PSD2: variants seen among roughly 807,000 people sequenced by gnomAD.
The protein encoded by PSD2 is PH and SEC7 domain-containing protein 2.
A neutral mutation model predicts 69.8 loss-of-function variants in PSD2; 38 were observed. The observed-to-expected ratio is 0.54, with a 90% CI of 0.42 to 0.71. PSD2 has a LOEUF of 0.71. PSD2 is among the 30% of genes least tolerant of loss of function. The pLI is 0.00. For missense variants in PSD2, 943 were observed against 1,014.5 expected, an observed-to-expected ratio of 0.93 and a Z score of 0.96; for synonymous variants, 412 against 423.0, an observed-to-expected ratio of 0.97 and a Z score of 0.32.
At chr5:139,835,834 G>C in intron 9 of PSD2, 68 bp downstream of exon 9, 7 of 1,485,480 alleles carry the variant, frequency 4.7e-6, no homozygotes, top group Non-Finnish European at 6.6e-6. Flanking sequence ...TGGGGGTGCA[G>C]GTCCGACATT....
Position 139,833,807 on chromosome 5 carries a change from T to A in PSD2, c.1359+16T>A. ...CCTGCTGAAGGTACTGTCTGCTGAG[T>A]GTCCCCATCCCACTAGCTGTGCCCT... On this transcript the variant is annotated intron_variant, in intron 8 of 14. Coordinates refer to ENST00000274710, the MANE Select transcript of PSD2 (RefSeq NM_032289.4). The A allele has an allele frequency of 6.3e-7, 1 of 1,580,324 alleles. No individual in the cohort carries two copies. Among genetic ancestry groups the A allele is most frequent in the Non-Finnish European group, 8.7e-7 (1 of 1,149,258 alleles).
intron 5 of PSD2, among the ~76,000 whole-genome samples, chr5:139,819,086 G>C (rs1005298390): frequency 1.3e-5 from 2 of 151,756 alleles, no homozygotes; most frequent in South Asian, 2.1e-4. Context: ...CTGTCTCTTT[G>C]CATGCTTAAT....
At chr5:139,753,818 GT>G in the PSD2 span, among the ~76,000 whole-genome samples, 782 of 143,322 alleles carry the variant, frequency 5.5e-3, 8 homozygotes, top group African/African-American at 0.016. Context: ...TCCCAGAGTT[GT>G]TTTTTTTTTT....
the PSD2 span, among the ~76,000 whole-genome samples, chr5:139,764,003 CATGGCCTCTGGTGAATAG>C: frequency 2.0e-5 from 3 of 152,214 alleles, no homozygotes; most frequent in Non-Finnish European, 4.4e-5. Context: ...ACCCTGACTA[CATGGCCTCTGGTGAATAG>C]ATGAGCTCTC....
the PSD2 span, among the ~76,000 whole-genome samples, chr5:139,752,101 C>A: frequency 6.6e-6 from 1 of 152,038 alleles, no homozygotes; most frequent in Non-Finnish European, 1.5e-5. Context: ...CCAGTCCAGC[C>A]TCTTGACTCA....
the PSD2 span, among the ~76,000 whole-genome samples, chr5:139,749,326 T>C: frequency 1.3e-5 from 2 of 152,248 alleles, no homozygotes; most frequent in African/African-American, 4.8e-5. Flanking sequence ...CAGTGTCTGA[T>C]TGCATTTTCT....
In PSD2 at chr5:139,837,174, G is replaced by T. The variant is rs746480992; in HGVS notation, c.1601G>T (p.Arg534Leu). The T allele has an allele frequency of 5.0e-6, 8 of 1,614,064 alleles. No homozygotes were observed. Among genetic ancestry groups the T allele is most frequent in the South Asian group, 2.2e-5 (2 of 91,084 alleles). The change falls in exon 11 of 15, where the codon CGT becomes CTT. Residue 534 changes from arginine (R) to leucine (L), a missense_variant. By Grantham distance (102) the Arg-to-Leu change is moderately radical. Coordinates refer to ENST00000274710, the MANE Select transcript of PSD2 (RefSeq NM_032289.4). This position sits in a 1 kb window ranked among gnomAD's most constrained non-coding sequence, Gnocchi z 5.0. ...HADMDGKRTP[R>L]GRRGWKKFYA... Reference sequence around the variant, plus strand: ...CCAGTGCCCTCCTCCCCAGCGCCCCGTGGGAGGCGTGGCTGGAAGAAATTC... The same window carrying T: ...CCAGTGCCCTCCTCCCCAGCGCCCCTTGGGAGGCGTGGCTGGAAGAAATTC...
the PSD2 span, among the ~76,000 whole-genome samples, chr5:139,763,474 A>C: frequency 6.6e-6 from 1 of 152,172 alleles, no homozygotes; most frequent in East Asian, 1.9e-4. Context: ...GCCGTGTCCT[A>C]CTTCCACTCT....
Position 139,814,647 on chromosome 5 carries a change from C to T in PSD2, c.1016+283C>T, listed in dbSNP as rs1195223706. On this transcript the variant is annotated intron_variant, in intron 4 of 14. Coordinates refer to ENST00000274710, the MANE Select transcript of PSD2 (RefSeq NM_032289.4). This position sits in a 1 kb window ranked among gnomAD's most constrained non-coding sequence, Gnocchi z 4.4. ...GATGTGGGATGTGGTTATGGGGCCA[C>T]GATGGATGTGAGGACAGAGAAGCCA... 1.3e-5 allele frequency among the ~76,000 whole-genome samples: 2 copies of T among 151,898 alleles called. No homozygotes were observed. The highest frequency in any genetic ancestry group is 2.4e-5 in the African/African-American group (1 of 41,326).
chr5:139,822,798 G>T lies in PSD2; in HGVS notation c.1269+14G>T, dbSNP rs1760304903. On this transcript the variant is annotated intron_variant, in intron 7 of 14. Transcript: ENST00000274710. ...CTGCACGGCCACGTGAGTTGGGGAG[G>T]TGACGGGGGGTGTCGCATGTCCTCT... 1 of 1,601,118 alleles carries T rather than the reference G, an allele frequency of 6.2e-7. No homozygotes were observed. Among genetic ancestry groups the T allele is most frequent in the Non-Finnish European group, 8.5e-7 (1 of 1,173,454 alleles).
chr5:139,775,681 C>CT, the PSD2 span, among the ~76,000 whole-genome samples: 4 of 152,034 alleles, frequency 2.6e-5, no homozygotes, highest in South Asian at 2.1e-4. Context: ...TTTCTTCTTC[C>CT]TTTTTTTGTG....
chr5:139,819,215 G>T (rs568686831), intron 5 of PSD2, among the ~76,000 whole-genome samples: 12 of 152,332 alleles, frequency 7.9e-5, no homozygotes, highest in Admixed American at 2.0e-4. Context: ...AGGTTTGTGG[G>T]GATGCAGTGC....
At position 139,836,941 on chromosome 5, in the gene PSD2, A is replaced by G. The variant is rs766638656; in HGVS notation, c.1534A>G (p.Thr512Ala). 4.3e-6 allele frequency: 7 copies of G among 1,614,148 alleles called. No individual in the cohort carries two copies. In the South Asian group the frequency reaches 7.7e-5, roughly 18 times the overall value. ...GGATGTCCCACAGGCGCTCAGTGCC[A>G]CCACCTACAAGCACGGCGTCCTGAC... ...FLDVPQALSA[T>A]TYKHGVLTRK... The change falls in exon 10 of 15, where the codon ACC (threonine) becomes GCC (alanine). Residue 512 changes from threonine to alanine, a missense_variant. By Grantham distance (58) the Thr-to-Ala change is moderately conservative. Coordinates refer to ENST00000274710, the MANE Select transcript of PSD2 (RefSeq NM_032289.4).
In PSD2 at chr5:139,842,419, A is replaced by G. The variant is rs757461551; in HGVS notation, c.2261A>G (p.Gln754Arg). The stretch of plus-strand genomic sequence containing the variant: ...ACACATTCAAGCCCTGCCCTCAGCC[A>G]GGGCCATGTGACTGGCAGCAAAACC... ...RKTHSSPALS[Q>R]GHVTGSKTTK... Residue 754 changes from glutamine to arginine, a missense_variant, in exon 15 of 15, where the codon CAG (glutamine) becomes CGG (arginine). Transcript: ENST00000274710. 2 of 1,614,070 alleles carry G rather than the reference A, an allele frequency of 1.2e-6. No individual in the cohort carries two copies. Among genetic ancestry groups the G allele is most frequent in the South Asian group, 1.1e-5 (1 of 91,080 alleles).
At chr5:139,836,452 C>T (rs1561607960) in intron 9 of PSD2, among the ~76,000 whole-genome samples, 1 of 152,184 alleles carries the variant, frequency 6.6e-6, no homozygotes, top group Non-Finnish European at 1.5e-5. Context: ...GGGGTTTGTG[C>T]AGCAGCTTCA....
the PSD2 span, among the ~76,000 whole-genome samples, chr5:139,751,977 G>C: frequency 6.6e-6 from 1 of 151,782 alleles, no homozygotes; most frequent in Non-Finnish European, 1.5e-5. Context: ...TTTTTTTGTA[G>C]AGACTGGGTC....
At chr5:139,767,534 C>T in the PSD2 span, among the ~76,000 whole-genome samples, 3 of 152,064 alleles carry the variant, frequency 2.0e-5, no homozygotes, top group Non-Finnish European at 2.9e-5. Context: ...AGGCTGGTCT[C>T]GAACTCCTGA....
At chr5:139,744,498 C>T in the PSD2 span, among the ~76,000 whole-genome samples, 14 of 152,172 alleles carry the variant, frequency 9.2e-5, no homozygotes, top group African/African-American at 2.4e-4. Context: ...CCCGCCTGCT[C>T]GCCTGTAGAG....
chr5:139,752,078 C>T, the PSD2 span, among the ~76,000 whole-genome samples: 1 of 152,054 alleles, frequency 6.6e-6, no homozygotes. Context: ...CAGGTGTGAG[C>T]CACTGCACCC....
Sources: gnomAD v4.1 joint callset for allele counts (sites outside exome capture counted in the v4.1 genomes callset) on GRCh38, gnomAD v4.1.1 for gene constraint, Gnocchi (gnomAD v3.1) non-coding constraint, MANE v1.5 for transcripts, NCBI Gene and HGNC (gene_info 2026-07-23, HGNC 2026-07-21) for gene names.